Variants in CAMK2D observed in about 807,000 individuals in gnomAD.
The protein encoded by CAMK2D is calcium/calmodulin-dependent protein kinase type II subunit delta.
In CAMK2D, 37 loss-of-function variants were observed where a neutral mutation model predicts 84.0. The ratio of observed to expected loss-of-function variants is 0.44; its 90% confidence interval spans 0.34 to 0.58. CAMK2D has a LOEUF of 0.58. CAMK2D is among the 20% of genes least tolerant of loss of function. The pLI, the probability that CAMK2D is intolerant of heterozygous loss-of-function variation, is 0.02. For synonymous variants in CAMK2D, 202 were observed against 212.5 expected, an observed-to-expected ratio of 0.95 and a Z score of 0.43; for missense variants, 448 against 652.5, an observed-to-expected ratio of 0.69 and a Z score of 3.41.
At chr4:113,652,173 C>A (rs1428517673) in intron 3 of CAMK2D, among the ~76,000 whole-genome samples, 1 of 152,132 alleles carries the variant, frequency 6.6e-6, no homozygotes, top group Non-Finnish European at 1.5e-5. Flanking sequence ...CCAACTCCAC[C>A]ATTTACTAAC....
intron 4 of CAMK2D, among the ~76,000 whole-genome samples, chr4:113,594,457 G>C (rs2098914396): frequency 6.6e-6 from 1 of 152,132 alleles, no homozygotes; most frequent in Admixed American, 6.6e-5. Context: ...CAAATATGTG[G>C]GAATGATCAG....
At chr4:113,663,574 G>A (rs969854272) in intron 2 of CAMK2D, among the ~76,000 whole-genome samples, 28 of 138,436 alleles carry the variant, frequency 2.0e-4, no homozygotes, top group South Asian at 6.5e-4. Context: ...GGGTGACAGC[G>A]GGAGGCTCTG....
chr4:113,554,151 GCT>G (rs1380092334), intron 4 of CAMK2D, among the ~76,000 whole-genome samples: 1 of 151,980 alleles, frequency 6.6e-6, no homozygotes, highest in Admixed American at 6.6e-5. Flanking sequence ...GGATCACTGG[GCT>G]CTCAACTTAC....
At chr4:113,618,583 A>G (rs1323905526) in intron 3 of CAMK2D, among the ~76,000 whole-genome samples, 3 of 152,224 alleles carry the variant, frequency 2.0e-5, no homozygotes, top group Non-Finnish European at 4.4e-5. Flanking sequence ...ATGTTAAGAA[A>G]TGCAATATAA....
rs894107319 is a variant in CAMK2D at position 113,679,166 on chromosome 4, G to A, written c.161-17394C>T. 2.6e-5 allele frequency among the ~76,000 whole-genome samples: 4 copies of A among 151,848 alleles called. 1 individual carries two copies. The highest frequency in any genetic ancestry group is 1.3e-4 in the Admixed American group (2 of 15,242). ...CATTGTTAAGAGCTGCAAAATTTAA[G>A]ATGGATGAATGGAAAGGTGAAAAAA... On this transcript the variant is annotated intron_variant, in intron 2 of 20. Transcript: ENST00000511664.
chr4:113,594,860 AAGAG>A (rs1213791796), intron 4 of CAMK2D, among the ~76,000 whole-genome samples: 5 of 152,206 alleles, frequency 3.3e-5, no homozygotes, highest in African/African-American at 9.7e-5. Flanking sequence ...AAGGAGAAGA[AAGAG>A]AGAAAGAAAT....
In CAMK2D at chr4:113,739,095, T is replaced by C. The variant is rs2099587391; in HGVS notation, c.160+20225A>G. Among the ~76,000 whole-genome samples the C allele has an allele frequency of 2.0e-5, 3 of 152,196 alleles. No individual in the cohort carries two copies. The South Asian group carries it at 6.2e-4, about 32-fold the overall frequency. The stretch of plus-strand genomic sequence containing the variant: ...CTTCATAGATGTGTTAATCTTGTTT[T>C]GTCAGGCAGATCAAGAAAATACAAT... On this transcript the variant is annotated intron_variant, in intron 2 of 20. Coordinates refer to ENST00000511664, the MANE Select transcript of CAMK2D (RefSeq NM_001321571.2).
At chr4:113,680,860 A>T (rs1277317545) in intron 2 of CAMK2D, among the ~76,000 whole-genome samples, 1 of 152,152 alleles carries the variant, frequency 6.6e-6, no homozygotes, top group Non-Finnish European at 1.5e-5. Flanking sequence ...TTTATGGAAC[A>T]CCTTTCTCTG....
chr4:113,552,459 C>T (rs961434797), intron 4 of CAMK2D, among the ~76,000 whole-genome samples: 1 of 152,168 alleles, frequency 6.6e-6, no homozygotes, highest in Non-Finnish European at 1.5e-5. Context: ...CACATCATAG[C>T]TATTGAGTAT....
intron 2 of CAMK2D, among the ~76,000 whole-genome samples, chr4:113,669,555 A>G (rs2099271337): frequency 6.6e-6 from 1 of 151,668 alleles, no homozygotes; most frequent in Non-Finnish European, 1.5e-5. Flanking sequence ...TGGGCAGGAA[A>G]CTCTGATTAT....
rs1311458122 is a variant in CAMK2D, at chr4:113,457,450, C to T, written c.1420G>A (p.Gly474Ser). 6.2e-7 allele frequency: 1 copy of T among 1,613,778 alleles called. No homozygotes were observed. The highest frequency in any genetic ancestry group is 8.5e-7 in the Non-Finnish European group (1 of 1,179,828). The change falls in exon 19 of 21, where the codon GGC becomes AGC. Residue 474 changes from glycine (G) to serine (S), a missense_variant. Gly to Ser is a moderately conservative substitution (Grantham distance 56). Coordinates refer to ENST00000511664, the MANE Select transcript of CAMK2D (RefSeq NM_001321571.2). ...AYIRLTQYMD[G>S]SGMPKTMQSE... is the part of the protein sequence containing the mutation. The stretch of plus-strand genomic sequence containing the variant: ...TGCATTGTCTTTGGCATTCCACTGC[C>T]ATCCATGTACTGTGTGAGCCTAATA...
At chr4:113,595,209 T>C (rs1441004076) in intron 4 of CAMK2D, among the ~76,000 whole-genome samples, 3 of 152,072 alleles carry the variant, frequency 2.0e-5, no homozygotes, top group Non-Finnish European at 4.4e-5. Context: ...ATAAATACTT[T>C]CTCAGACAAA....
intron 3 of CAMK2D, among the ~76,000 whole-genome samples, chr4:113,613,326 T>G (rs143765067): frequency 4.6e-5 from 7 of 152,286 alleles, no homozygotes; most frequent in African/African-American, 1.7e-4. Flanking sequence ...AAAGACCTTG[T>G]TCTTACTGAG....
chr4:113,609,751 C>G (rs1179940884), intron 3 of CAMK2D, among the ~76,000 whole-genome samples: 1 of 152,178 alleles, frequency 6.6e-6, no homozygotes, highest in Non-Finnish European at 1.5e-5. Flanking sequence ...ACTCCCTGGC[C>G]AACCTGGCAA....
intron 2 of CAMK2D, among the ~76,000 whole-genome samples, chr4:113,709,973 G>A (rs1176181931): frequency 6.6e-6 from 1 of 150,916 alleles, no homozygotes; most frequent in Non-Finnish European, 1.5e-5. Context: ...TCCATGGTTT[G>A]ATTCTGTTAT....
At chr4:113,602,553 G>A (rs1466183286) in intron 4 of CAMK2D, among the ~76,000 whole-genome samples, 5 of 152,252 alleles carry the variant, frequency 3.3e-5, no homozygotes, top group South Asian at 4.1e-4. Flanking sequence ...AGAGGAATCC[G>A]CATAAGAAAC....
chr4:113,623,521 G>A (rs2099055352), intron 3 of CAMK2D, among the ~76,000 whole-genome samples: 2 of 151,986 alleles, frequency 1.3e-5, no homozygotes, highest in Non-Finnish European at 2.9e-5. Flanking sequence ...AGACCTAGAT[G>A]GTATAGCCTA....
chr4:113,665,086 G>A (rs1237320922), intron 2 of CAMK2D, among the ~76,000 whole-genome samples: 1 of 152,216 alleles, frequency 6.6e-6, no homozygotes, highest in African/African-American at 2.4e-5. Context: ...TTATGGGCAT[G>A]AGCCACCGTG....
At chr4:113,458,408 T>C (rs1442688015) in intron 18 of CAMK2D, among the ~76,000 whole-genome samples, 2 of 152,244 alleles carry the variant, frequency 1.3e-5, no homozygotes, top group Non-Finnish European at 2.9e-5. Flanking sequence ...TATCCAAACA[T>C]GCTTTCCATT....
Sources: allele counts gnomAD v4.1 joint callset (sites outside exome capture counted in the v4.1 genomes callset), GRCh38; gene constraint gnomAD v4.1.1; transcripts MANE v1.5; gene names NCBI Gene and HGNC (gene_info 2026-07-23, HGNC 2026-07-21).